Variants in APOO observed in about 807,000 individuals in gnomAD.
APOO encodes the protein MICOS complex subunit MIC26.
In APOO, 11 loss-of-function variants were observed where a neutral mutation model predicts 23.1. That is an observed-to-expected ratio of 0.48 (90% CI 0.30 to 0.79). The LOEUF is 0.79. Ranked by LOEUF, APOO falls within the 30% of genes least tolerant of loss-of-function variation. The pLI is 0.07. For synonymous variants in APOO, 59 were observed against 54.8 expected (o/e 1.08, Z -0.34); for missense variants, 160 against 142.7 (o/e 1.12, Z -0.62).
At chrX:23,839,861 TAC>T (rs1175558663) in intron 8 of APOO, among the ~76,000 whole-genome samples, 1 of 111,729 alleles carries the variant, frequency 9.0e-6, no homozygotes, top group African/African-American at 3.2e-5. Context: ...CAAATTCAAT[TAC>T]AGTCTTCTAA....
intron 1 of APOO, among the ~76,000 whole-genome samples, chrX:23,907,292 A>C (rs1232787631): frequency 9.8e-6 from 1 of 101,772 alleles, no homozygotes; most frequent in East Asian, 3.2e-4. Flanking sequence ...TCCCCCATCC[A>C]CACATCAGGT....
At chrX:23,855,944 T>C (rs1924764182) in intron 7 of APOO, among the ~76,000 whole-genome samples, 1 of 112,153 alleles carries the variant, frequency 8.9e-6, no homozygotes, top group African/African-American at 3.2e-5. Context: ...CTCAATTATG[T>C]CTTTTTCCTG....
chrX:23,846,043 G>T (rs1376421655), intron 7 of APOO, among the ~76,000 whole-genome samples: 2 of 111,606 alleles, frequency 1.8e-5, no homozygotes, highest in Non-Finnish European at 3.8e-5. Context: ...GGTGGCTCAC[G>T]CCTGTAATCC....
At chrX:23,867,096 T>C (rs1925371598) in intron 5 of APOO, among the ~76,000 whole-genome samples, 1 of 105,505 alleles carries the variant, frequency 9.5e-6, no homozygotes, top group African/African-American at 3.6e-5. Flanking sequence ...TGAGACTCTA[T>C]CTCAAATTAA....
rs183027818 is a variant in APOO at position 23,859,188 on chromosome X, A to G, written c.389-455T>C. On this transcript the variant is annotated intron_variant, in intron 5 of 8. Coordinates refer to ENST00000379226, the MANE Select transcript of APOO (RefSeq NM_024122.5). ...GTCCTAAACTGAAAGAATGTGCCAA[A>G]TAAAGTCATGTGCACCAAAACGCTT... Among the ~76,000 whole-genome samples, 684 of 111,936 alleles carry G rather than the reference A, an allele frequency of 6.1e-3. 2 individuals are homozygous for G. Among genetic ancestry groups the G allele is most frequent in the African/African-American group, 0.021 (648 of 30,860 alleles).
intron 1 of APOO, among the ~76,000 whole-genome samples, chrX:23,889,247 TAAAC>T (rs1278703377): frequency 8.9e-6 from 1 of 111,995 alleles, no homozygotes; most frequent in Non-Finnish European, 1.9e-5. Flanking sequence ...GGTAAGGTCG[TAAAC>T]AAACAAATCA....
chrX:23,892,270 G>C (rs1341465995), intron 1 of APOO, among the ~76,000 whole-genome samples: 10 of 98,231 alleles, frequency 1.0e-4, no homozygotes, highest in Non-Finnish European at 2.1e-4. Context: ...TTTTTTTTTT[G>C]AGACGGAGTC....
chrX:23,895,138 CA>C (rs777554795), intron 1 of APOO, among the ~76,000 whole-genome samples: 153 of 86,197 alleles, frequency 1.8e-3, no homozygotes, highest in African/African-American at 3.1e-3. Flanking sequence ...GACTCCGCCT[CA>C]AAAAAAAAAA....
intron 5 of APOO, among the ~76,000 whole-genome samples, chrX:23,861,750 A>C (rs868185823): frequency 3.0e-4 from 31 of 101,917 alleles, no homozygotes; most frequent in African/African-American, 1.1e-3. Context: ...AGCTCCCCTG[A>C]GGTAGAACCT....
intron 1 of APOO, among the ~76,000 whole-genome samples, chrX:23,888,609 T>C (rs1196106600): frequency 1.8e-5 from 2 of 110,548 alleles, no homozygotes; most frequent in Non-Finnish European, 3.8e-5. Context: ...TCCCACCACT[T>C]TGGGAGGCCG....
chrX:23,888,185 T>C (rs1926456828), intron 1 of APOO, among the ~76,000 whole-genome samples: 2 of 112,152 alleles, frequency 1.8e-5, no homozygotes, highest in African/African-American at 6.5e-5. Context: ...CGCAAGGGGC[T>C]TGTCAATGGA....
chrX:23,876,421 A>G (rs1189491181), intron 3 of APOO, among the ~76,000 whole-genome samples: 9 of 85,041 alleles, frequency 1.1e-4, no homozygotes, highest in African/African-American at 5.3e-4. Context: ...TGTCTCTACC[A>G]AAAAAAAAAA....
At chrX:23,849,444 T>C (rs1924419195) in intron 7 of APOO, among the ~76,000 whole-genome samples, 1 of 108,032 alleles carries the variant, frequency 9.3e-6, no homozygotes, top group Admixed American at 1.0e-4. Flanking sequence ...CACGTTAAAC[T>C]ATAGCATAAA....
chrX:23,835,312 C>T (rs1923610738), intron 8 of APOO, among the ~76,000 whole-genome samples: 1 of 111,267 alleles, frequency 9.0e-6, no homozygotes, highest in South Asian at 3.7e-4. Context: ...ATTCACCCGC[C>T]TCAGCCTCCC....
intron 1 of APOO, among the ~76,000 whole-genome samples, chrX:23,889,919 C>T (rs1284993259): frequency 9.1e-6 from 1 of 110,358 alleles, no homozygotes; most frequent in Non-Finnish European, 1.9e-5. Flanking sequence ...CCTCGGCCTC[C>T]CAAAGTGCTG....
chrX:23,861,034 G>A (rs1204766551), intron 5 of APOO, among the ~76,000 whole-genome samples: 1 of 110,565 alleles, frequency 9.0e-6, no homozygotes, highest in Non-Finnish European at 1.9e-5. Flanking sequence ...TAGCTACTCA[G>A]GAGGCTGAGG....
chrX:23,875,846 A>G (rs1029197616), intron 3 of APOO, among the ~76,000 whole-genome samples: 3 of 111,605 alleles, frequency 2.7e-5, no homozygotes, highest in Non-Finnish European at 3.8e-5. Flanking sequence ...TCGCTTCATT[A>G]AAATCCATTA....
chrX:23,857,801 G>A (rs1198002694), intron 6 of APOO, among the ~76,000 whole-genome samples: 1 of 111,108 alleles, frequency 9.0e-6, no homozygotes, highest in Non-Finnish European at 1.9e-5. Flanking sequence ...GTTCCTGAGG[G>A]ACACCATCTC....
chrX:23,867,742 C>T (rs1425527674), intron 5 of APOO, among the ~76,000 whole-genome samples: 1 of 111,044 alleles, frequency 9.0e-6, no homozygotes, highest in Non-Finnish European at 1.9e-5. Context: ...CGGGGTTTCA[C>T]CGTGTTAGCC....
Sources: gnomAD v4.1 joint callset for allele counts (sites outside exome capture counted in the v4.1 genomes callset) on GRCh38, gnomAD v4.1.1 for gene constraint, MANE v1.5 for transcripts, NCBI Gene and HGNC (gene_info 2026-07-23, HGNC 2026-07-21) for gene names.